Variants in ADAMTS17 observed in about 807,000 individuals in gnomAD.
The protein encoded by ADAMTS17 is ADAM metallopeptidase with thrombospondin type 1 motif 17.
Under a neutral mutation model 141.5 loss-of-function variants are expected in ADAMTS17, and 113 were observed. That is an observed-to-expected ratio of 0.80 (90% confidence interval 0.69 to 0.93). The LOEUF (loss-of-function observed/expected upper bound fraction) is 0.93, where lower values mean the gene tolerates loss of function less well. Among genes scored for constraint, ADAMTS17 ranks in the 40% least tolerant of loss-of-function variants. The probability of loss-of-function intolerance (pLI) is 0.00; values close to 1 mark genes in which losing one functional copy is unlikely to be tolerated. For missense variants in ADAMTS17, 1,659 were observed against 1,517.9 expected (o/e 1.09, Z -1.54); for synonymous variants, 768 against 630.6 (o/e 1.22, Z -3.27).
In ADAMTS17 at chr15:99,971,880, T is replaced by C. The variant is rs955202180; in HGVS notation, c.*2522A>G. 1.3e-5 allele frequency: 2 copies of C among 152,176 alleles called. No homozygotes were observed. Among genetic ancestry groups the C allele is most frequent in the African/African-American group, 4.8e-5 (2 of 41,430 alleles). 9.4% of individuals were successfully genotyped at this position (152,176 alleles called of 1,614,324 possible). The stretch of plus-strand genomic sequence containing the variant: ...CATCACTGCTGTGATCAGCATCTAG[T>C]GGAACAAGAATGTTTATGATGGTTT... On this transcript the variant is annotated 3_prime_UTR_variant, in exon 22 of 22. Transcript: ENST00000268070.
intron 20 of ADAMTS17, among the ~76,000 whole-genome samples, chr15:99,982,272 G>A (rs183270562): frequency 5.8e-4 from 88 of 152,320 alleles, no homozygotes; most frequent in Admixed American, 2.2e-3. Context: ...GGCACACTGC[G>A]TCACCTGGCC....
Position 99,974,383 on chromosome 15 carries a change from C to G in ADAMTS17, c.*19G>C, listed in dbSNP as rs201992797. On this transcript the variant is annotated 3_prime_UTR_variant, in exon 22 of 22. Coordinates refer to ENST00000268070, the MANE Select transcript of ADAMTS17 (RefSeq NM_139057.4). Reference sequence around the variant, plus strand: ...TTCAGACCTGAGTCTGAGCTTTGAGCGACCCTTGGGACTGCGTGTCACGAG... The same window carrying G: ...TTCAGACCTGAGTCTGAGCTTTGAGGGACCCTTGGGACTGCGTGTCACGAG... The G allele has an allele frequency of 1.2e-6, 2 of 1,613,860 alleles. No homozygotes were observed. Among genetic ancestry groups the G allele is most frequent in the Middle Eastern group, 3.3e-4 (2 of 6,026 alleles).
chr15:100,219,005 A>G (rs753355103), intron 7 of ADAMTS17, among the ~76,000 whole-genome samples: 157 of 152,370 alleles, frequency 1.0e-3, no homozygotes, highest in Non-Finnish European at 1.9e-3. Flanking sequence ...AAGTTCTGAC[A>G]CATGCTAGAA....
intron 18 of ADAMTS17, among the ~76,000 whole-genome samples, chr15:100,018,634 G>T (rs1368854148): frequency 6.6e-6 from 1 of 152,178 alleles, no homozygotes; most frequent in African/African-American, 2.4e-5. Context: ...CTCTCCAGCT[G>T]TGCTTCCTGT....
At chr15:100,158,620 A>G in intron 8 of ADAMTS17, among the ~76,000 whole-genome samples, 1 of 152,136 alleles carries the variant, frequency 6.6e-6, no homozygotes, top group East Asian at 1.9e-4. Flanking sequence ...TGGCAATACA[A>G]GCCCACTCTT....
At position 100,281,213 on chromosome 15, in the gene ADAMTS17, C is replaced by A; in HGVS notation, c.789+16G>T. On this transcript the variant is annotated intron_variant, in intron 4 of 21. Coordinates refer to ENST00000268070, the MANE Select transcript of ADAMTS17 (RefSeq NM_139057.4). The stretch of plus-strand genomic sequence containing the variant: ...AAACAGAGCCCCCCACATCAGGACC[C>A]CGGCTCCGGACTCACCATGTTCATG... The A allele has an allele frequency of 6.2e-7, 1 of 1,602,064 alleles. No homozygotes were observed. The highest frequency in any genetic ancestry group is 8.5e-7 in the Non-Finnish European group (1 of 1,179,886).
intron 15 of ADAMTS17, among the ~76,000 whole-genome samples, chr15:100,094,651 C>T (rs1308311540): frequency 6.6e-6 from 1 of 152,164 alleles, no homozygotes; most frequent in South Asian, 2.1e-4. Flanking sequence ...GAATCACGCA[C>T]TTGTAGTCAG....
chr15:100,171,544 C>G (rs947408736), intron 8 of ADAMTS17, among the ~76,000 whole-genome samples: 3 of 152,198 alleles, frequency 2.0e-5, no homozygotes, highest in Non-Finnish European at 4.4e-5. Context: ...CATGCCTTTG[C>G]CCCCATCTGG....
At chr15:100,211,387 T>C (rs1371257444) in intron 7 of ADAMTS17, among the ~76,000 whole-genome samples, 4 of 150,688 alleles carry the variant, frequency 2.7e-5, no homozygotes, top group East Asian at 3.9e-4. Context: ...TGGAAAATGA[T>C]AGACTGTTCA....
chr15:100,082,057 T>TAA (rs1567141670), intron 15 of ADAMTS17, among the ~76,000 whole-genome samples: 1 of 152,144 alleles, frequency 6.6e-6, no homozygotes, highest in Non-Finnish European at 1.5e-5. Context: ...TTTCTTTGCT[T>TAA]TTATTGATTT....
chr15:100,151,234 C>T (rs927631969), intron 10 of ADAMTS17, among the ~76,000 whole-genome samples: 3 of 152,162 alleles, frequency 2.0e-5, no homozygotes, highest in Non-Finnish European at 4.4e-5. Flanking sequence ...AATGGCAGGG[C>T]AGAAGCAGCA....
chr15:100,162,479 G>A (rs1334985762), intron 8 of ADAMTS17, among the ~76,000 whole-genome samples: 1 of 125,262 alleles, frequency 8.0e-6, no homozygotes. Flanking sequence ...CATTATATGT[G>A]TATATATATG....
At chr15:99,999,183 G>A (rs2060867391) in intron 18 of ADAMTS17, among the ~76,000 whole-genome samples, 1 of 152,186 alleles carries the variant, frequency 6.6e-6, no homozygotes, top group Non-Finnish European at 1.5e-5. Flanking sequence ...AGTGAGTGAA[G>A]CAAAGTCCCT....
intron 15 of ADAMTS17, among the ~76,000 whole-genome samples, chr15:100,065,575 T>C (rs2033457070): frequency 6.6e-6 from 1 of 152,226 alleles, no homozygotes; most frequent in Non-Finnish European, 1.5e-5. Flanking sequence ...CCACATTGTA[T>C]GCAAAATGCT....
At chr15:100,190,046 C>T (rs1455505309) in intron 8 of ADAMTS17, among the ~76,000 whole-genome samples, 1 of 152,236 alleles carries the variant, frequency 6.6e-6, no homozygotes, top group Non-Finnish European at 1.5e-5. Context: ...GTGTGAGTCA[C>T]TGAGGCTTAC....
intron 3 of ADAMTS17, among the ~76,000 whole-genome samples, chr15:100,283,422 G>A (rs1596445418): frequency 6.6e-6 from 1 of 152,200 alleles, no homozygotes; most frequent in Admixed American, 6.5e-5. Flanking sequence ...AATCTATGAA[G>A]ATTCCTTCCT....
intron 7 of ADAMTS17, among the ~76,000 whole-genome samples, chr15:100,252,501 C>T (rs1458626153): frequency 6.6e-6 from 1 of 152,172 alleles, no homozygotes; most frequent in Non-Finnish European, 1.5e-5. Flanking sequence ...GCAGGAGGAG[C>T]ACGGAGCAGA....
At chr15:100,159,758 T>C (rs2039603075) in intron 8 of ADAMTS17, among the ~76,000 whole-genome samples, 1 of 152,112 alleles carries the variant, frequency 6.6e-6, no homozygotes, top group Non-Finnish European at 1.5e-5. Context: ...GACCCTGGAG[T>C]CCTAGTCTGA....
At chr15:99,998,003 C>T (rs775059219) in intron 18 of ADAMTS17, among the ~76,000 whole-genome samples, 1 of 152,318 alleles carries the variant, frequency 6.6e-6, no homozygotes, top group Non-Finnish European at 1.5e-5. Context: ...ACTTCTTACC[C>T]TCTGCTGGGA....
Sources: allele counts gnomAD v4.1 joint callset (sites outside exome capture counted in the v4.1 genomes callset), GRCh38; gene constraint gnomAD v4.1.1; transcripts MANE v1.5; gene names NCBI Gene and HGNC (gene_info 2026-07-23, HGNC 2026-07-21).